Variants in IRS1 observed in about 807,000 individuals in gnomAD.
The protein encoded by IRS1 is insulin receptor substrate 1.
Under a neutral mutation model 65.6 loss-of-function variants are expected in IRS1, and 34 were observed. The ratio of observed to expected loss-of-function variants is 0.52; its 90% CI spans 0.39 to 0.69. IRS1 has a LOEUF of 0.69. Ranked by LOEUF, IRS1 falls within the 30% of genes least tolerant of loss-of-function variation. The probability of loss-of-function intolerance (pLI) is 0.00; values close to 1 mark genes in which losing one functional copy is unlikely to be tolerated. For missense variants in IRS1, 1,641 were observed against 1,720.2 expected (o/e 0.95, Z 0.81); for synonymous variants, 699 against 683.5 (o/e 1.02, Z -0.35).
chr2:226,765,017 C>A (rs571970574), intron 1 of IRS1, among the ~76,000 whole-genome samples: 1 of 152,336 alleles, frequency 6.6e-6, no homozygotes, highest in East Asian at 1.9e-4. Flanking sequence ...ACTTCTATTT[C>A]ACTCCTTTTG....
intron 1 of IRS1, among the ~76,000 whole-genome samples, chr2:226,774,352 C>G (rs1197369043): frequency 6.6e-6 from 1 of 152,066 alleles, no homozygotes; most frequent in African/African-American, 2.4e-5. Context: ...CAAGGTGGTA[C>G]ATAACCTATA....
chr2:226,795,828 C>G lies in IRS1; in HGVS notation c.2911G>C (p.Gly971Arg), dbSNP rs1801278. ...GTAGGCCTGCAAATGCTAGCAGCCCCGGGAGGTGCAGGGCCCAGTCTGCCC... is the reference window on the plus strand; with the variant it reads ...GTAGGCCTGCAAATGCTAGCAGCCCGGGGAGGTGCAGGGCCCAGTCTGCCC... ...EMGRLGPAPP[G>R]AASICRPTRA... The change falls in exon 1 of 2, where the codon GGG (glycine) becomes CGG (arginine). Residue 971 changes from glycine to arginine, a missense_variant. Physicochemically the swap from Gly to Arg is moderately radical, Grantham distance 125. This residue lies in a region of IRS1 where 1,324 missense variants were observed against 1,361.0 expected (regional missense o/e 0.97). Transcript: ENST00000305123. 6.2e-7 allele frequency: 1 copy of G among 1,613,044 alleles called. No individual in the cohort carries two copies. The highest frequency in any genetic ancestry group is 2.2e-5 in the East Asian group (1 of 44,874).
At chr2:226,736,932 CT>C (rs975737685) in intron 1 of IRS1, among the ~76,000 whole-genome samples, 3 of 149,122 alleles carry the variant, frequency 2.0e-5, no homozygotes, top group African/African-American at 4.9e-5. Context: ...AGTGAAGACT[CT>C]TTTTTTTTTA....
intron 1 of IRS1, among the ~76,000 whole-genome samples, chr2:226,778,652 C>A (rs531874278): frequency 6.6e-6 from 1 of 152,284 alleles, no homozygotes; most frequent in South Asian, 2.1e-4. Flanking sequence ...TTACTACCAT[C>A]CAAAGCTGCA....
intron 1 of IRS1, among the ~76,000 whole-genome samples, chr2:226,771,295 C>G (rs1002738954): frequency 6.6e-6 from 1 of 152,146 alleles, no homozygotes; most frequent in Non-Finnish European, 1.5e-5. Context: ...TTCCTGTTCC[C>G]AAGCACATGG....
At chr2:226,790,631 C>T (rs1246160048) in intron 1 of IRS1, among the ~76,000 whole-genome samples, 1 of 152,038 alleles carries the variant, frequency 6.6e-6, no homozygotes, top group Non-Finnish European at 1.5e-5. Flanking sequence ...TTCACTTGGC[C>T]CCTCAGAAAA....
chr2:226,740,788 A>G (rs931012522), intron 1 of IRS1, among the ~76,000 whole-genome samples: 1 of 152,186 alleles, frequency 6.6e-6, no homozygotes, highest in Non-Finnish European at 1.5e-5. Flanking sequence ...CCACTGTCAC[A>G]TACTAAATTG....
intron 1 of IRS1, among the ~76,000 whole-genome samples, chr2:226,750,490 T>A (rs1271976483): frequency 6.6e-6 from 1 of 152,016 alleles, no homozygotes; most frequent in African/African-American, 2.4e-5. Context: ...AAATGGGGAC[T>A]TCCACAGGTG....
intron 1 of IRS1, among the ~76,000 whole-genome samples, chr2:226,761,168 T>A (rs1032157354): frequency 3.9e-5 from 6 of 152,228 alleles, no homozygotes; most frequent in Non-Finnish European, 7.3e-5. Flanking sequence ...CTACACCACC[T>A]AAGTAGCTGT....
intron 1 of IRS1, among the ~76,000 whole-genome samples, chr2:226,741,786 A>AACAC (rs145806509): frequency 0.55 from 75,871 of 138,128 alleles, 20,886 homozygotes; most frequent in Non-Finnish European, 0.61. Flanking sequence ...GAGCCCAGTA[A>AACAC]ACACACACAC....
rs1192360959 is a variant in IRS1, at chr2:226,734,132, C to G, written c.*2140G>C. 1 of 152,138 alleles carries G rather than the reference C, an allele frequency of 6.6e-6. No homozygotes were observed. Among genetic ancestry groups the G allele is most frequent in the Non-Finnish European group, 1.5e-5 (1 of 68,016 alleles). The allele number at this position is 152,138 out of a possible 1,614,324, so 9.4% of individuals were successfully genotyped here. A position where few individuals can be genotyped will look rare whatever the true frequency, so the allele number is the denominator to read the frequency against. Reference sequence around the variant, plus strand: ...GGAAAAGAGCAGGGCAGCTTGCTCTCTTCTTCCACTAGCAAGAGTATGAAT... The same window carrying G: ...GGAAAAGAGCAGGGCAGCTTGCTCTGTTCTTCCACTAGCAAGAGTATGAAT... On this transcript the variant is annotated 3_prime_UTR_variant, in exon 2 of 2. Transcript: ENST00000305123.
In IRS1 at chr2:226,798,938, C is replaced by T. The variant is rs1327614641; in HGVS notation, c.-200G>A. On this transcript the variant is annotated 5_prime_UTR_variant, in exon 1 of 2. Coordinates refer to ENST00000305123, the MANE Select transcript of IRS1 (RefSeq NM_005544.3). This position sits in a 1 kb window ranked among gnomAD's most constrained non-coding sequence, Gnocchi z 9.4. ...CGCAGCTGCTGAGCCCAGGAGAGAG[C>T]CCGACCGGAGTTTTCGGGCGCTTCA... 6.9e-7 allele frequency: 1 copy of T among 1,451,962 alleles called. No homozygotes were observed. Among genetic ancestry groups the T allele is most frequent in the South Asian group, 1.5e-5 (1 of 67,692 alleles). 89.9% of individuals were successfully genotyped at this position (1,451,962 alleles called of 1,614,324 possible).
intron 1 of IRS1, among the ~76,000 whole-genome samples, chr2:226,784,054 C>CCA (rs1939439163): frequency 6.6e-6 from 1 of 151,924 alleles, no homozygotes; most frequent in Non-Finnish European, 1.5e-5. Flanking sequence ...ACTGACTGAA[C>CCA]CACTGCATTC....
chr2:226,763,716 A>G (rs1435621224), intron 1 of IRS1, among the ~76,000 whole-genome samples: 2 of 152,218 alleles, frequency 1.3e-5, no homozygotes, highest in Non-Finnish European at 2.9e-5. Flanking sequence ...TATTTCATCT[A>G]GAATTATTCA....
intron 1 of IRS1, among the ~76,000 whole-genome samples, chr2:226,766,214 A>ATC (rs1939045358): frequency 8.4e-6 from 1 of 119,206 alleles, no homozygotes; most frequent in Non-Finnish European, 1.7e-5. Flanking sequence ...CCCAAGCTGG[A>ATC]GTGCAGTGGC....
chr2:226,743,356 A>G (rs1938479125), intron 1 of IRS1, among the ~76,000 whole-genome samples: 1 of 152,008 alleles, frequency 6.6e-6, no homozygotes. Flanking sequence ...CAGCCTCCCA[A>G]GTAGCTGGGA....
chr2:226,775,555 T>C (rs1275902606), intron 1 of IRS1, among the ~76,000 whole-genome samples: 4 of 152,210 alleles, frequency 2.6e-5, no homozygotes, highest in Middle Eastern at 3.2e-3. Flanking sequence ...GATATGTGTA[T>C]ACGTATGGGT....
Position 226,798,743 on chromosome 2 carries a change from C to T in IRS1, c.-5G>A. 1.2e-6 allele frequency: 2 copies of T among 1,609,150 alleles called. No individual in the cohort carries two copies. Among genetic ancestry groups the T allele is most frequent in the Non-Finnish European group, 1.7e-6 (2 of 1,178,520 alleles). ...GCTCTCCGGAGGGCTCGCCATGCTGCCACCGCCACCACCAACGCTGAGCAG... is the reference window on the plus strand; with the variant it reads ...GCTCTCCGGAGGGCTCGCCATGCTGTCACCGCCACCACCAACGCTGAGCAG... On this transcript the variant is annotated 5_prime_UTR_variant, in exon 1 of 2. It introduces an in-frame stop codon into an upstream open reading frame of the 5' UTR. Transcript: ENST00000305123. The surrounding 1 kb of genome is among the most constrained non-coding windows in gnomAD (Gnocchi z 9.4).
In IRS1 at chr2:226,797,128, C is replaced by T. The variant is rs1432489975; in HGVS notation, c.1611G>A (p.Gln537=). 6.2e-7 allele frequency: 1 copy of T among 1,613,888 alleles called. No homozygotes were observed. ...CCACTGAGGACTGGGACGGGGTCTT[C>T]TGGTGGGTAATGGTAGGGGATGTGC... ...SAGTSPTITH[Q]KTPSQSSVAS... The change falls in exon 1 of 2, where the codon CAG becomes CAA. Residue 537 remains glutamine, a synonymous_variant. Coordinates refer to ENST00000305123, the MANE Select transcript of IRS1 (RefSeq NM_005544.3). This position sits in a 1 kb window ranked among gnomAD's most constrained non-coding sequence, Gnocchi z 8.1.
Sources: gnomAD v4.1 joint callset for allele counts (sites outside exome capture counted in the v4.1 genomes callset) on GRCh38, gnomAD v4.1.1 for gene constraint, gnomAD v4.1.1 regional missense constraint, Gnocchi (gnomAD v3.1) non-coding constraint, MANE v1.5 for transcripts, NCBI Gene and HGNC (gene_info 2026-07-23, HGNC 2026-07-21) for gene names.